The following EGF variants were observed in gnomAD, a reference collection of about 807,000 sequenced individuals.
EGF encodes the protein pro-epidermal growth factor.
In EGF, 95 loss-of-function variants were observed where a neutral mutation model predicts 143.8. The observed-to-expected ratio is 0.66, with a 90% CI of 0.56 to 0.78. EGF has a LOEUF of 0.78. Among genes scored for constraint, EGF ranks in the 30% least tolerant of loss-of-function variants. EGF has a pLI of 0.00. For synonymous variants in EGF, 510 were observed against 510.5 expected (o/e 1.00, Z 0.01); for missense variants, 1,320 against 1,470.9 (o/e 0.90, Z 1.68).
chr4:109,940,109 C>T (rs1741651874), intron 1 of EGF, among the ~76,000 whole-genome samples: 1 of 152,080 alleles, frequency 6.6e-6, no homozygotes, highest in Non-Finnish European at 1.5e-5. Flanking sequence ...GGATCAGGTT[C>T]CCAAGTAGAT....
chr4:109,978,466 C>CA (rs1219590437), intron 13 of EGF, among the ~76,000 whole-genome samples: 2 of 151,990 alleles, frequency 1.3e-5, no homozygotes, highest in African/African-American at 4.8e-5. Context: ...GACATTATGC[C>CA]AAGTGAAATA....
rs1754052901 is a variant in EGF at position 110,012,198 on chromosome 4, G to A, written c.*743G>A. On this transcript the variant is annotated 3_prime_UTR_variant, in exon 24 of 24. Transcript: ENST00000265171. ...TTACAAGATTGTAAGTAAATTGCCTGATTTGTTTTCATTATAGACAACGAT... is the reference window on the plus strand; with the variant it reads ...TTACAAGATTGTAAGTAAATTGCCTAATTTGTTTTCATTATAGACAACGAT... The A allele has an allele frequency of 6.6e-6, 1 of 152,058 alleles. No homozygotes were observed. The highest frequency in any genetic ancestry group is 1.5e-5 in the Non-Finnish European group (1 of 68,018). The allele number at this position is 152,058 out of a possible 1,614,324, so 9.4% of individuals were successfully genotyped here.
rs570494127 is a variant in EGF at position 109,953,966 on chromosome 4, G to T, written c.941-5346G>T. 1.6e-4 allele frequency among the ~76,000 whole-genome samples: 25 copies of T among 152,312 alleles called. No homozygotes were observed. In the South Asian group the frequency reaches 1.7e-3, roughly 10 times the overall value. On this transcript the variant is annotated intron_variant, in intron 5 of 23. Coordinates refer to ENST00000265171, the MANE Select transcript of EGF (RefSeq NM_001963.6). ...TGTATTTTCCATCTTCCTGCTATGG[G>T]CAACCAAACTGCCAGAAATGAGGAT...
At chr4:109,978,539 A>G (rs1748853907) in intron 13 of EGF, among the ~76,000 whole-genome samples, 1 of 152,206 alleles carries the variant, frequency 6.6e-6, no homozygotes, top group African/African-American at 2.4e-5. Context: ...AGAGTAGCCA[A>G]ATTCATAGGA....
chr4:109,973,599 C>A (rs1748013044), intron 11 of EGF, among the ~76,000 whole-genome samples: 1 of 151,452 alleles, frequency 6.6e-6, no homozygotes, highest in Admixed American at 6.6e-5. Flanking sequence ...CTCTTACTTC[C>A]CCCGACCTCT....
At chr4:109,988,046 C>T (rs1750400827) in intron 17 of EGF, among the ~76,000 whole-genome samples, 186 bp downstream of exon 17, 1 of 151,808 alleles carries the variant, frequency 6.6e-6, no homozygotes, top group African/African-American at 2.4e-5. Flanking sequence ...AATATATTTA[C>T]ACAAATACAT....
Position 109,941,207 on chromosome 4 carries a change from C to T in EGF, c.327+62C>T, listed in dbSNP as rs11568886. ...TGTACAGGCTGACAAATATAATATA[C>T]TGAATTCTTAATGTATAGATAAATG... On this transcript the variant is annotated intron_variant, in intron 2 of 23. Transcript: ENST00000265171. 29,537 of 1,452,426 alleles carry T rather than the reference C, an allele frequency of 0.02. 2,376 individuals carry two copies. In the East Asian group the frequency reaches 0.23, roughly 11 times the overall value. 90.0% of individuals were successfully genotyped at this position (1,452,426 alleles called of 1,614,324 possible).
chr4:109,940,801 A>G, intron 1 of EGF, 145 bp from the exon 2 acceptor site: 1 of 803,680 alleles, frequency 1.2e-6, no homozygotes, highest in Non-Finnish European at 2.0e-6. Context: ...GGAACTCTTT[A>G]TTGTCTATAA....
chr4:109,976,456 CA>C (rs2126105082), intron 13 of EGF, among the ~76,000 whole-genome samples: 1 of 152,186 alleles, frequency 6.6e-6, no homozygotes, highest in South Asian at 2.1e-4. Flanking sequence ...TGAGAAGTCC[CA>C]AAATCAGAAT....
At chr4:109,978,110 T>C (rs1028465639) in intron 13 of EGF, among the ~76,000 whole-genome samples, 22 of 152,196 alleles carry the variant, frequency 1.4e-4, no homozygotes, top group Non-Finnish European at 1.9e-4. Context: ...GGTATATATG[T>C]GGTGGCTTCC....
chr4:109,928,232 A>G (rs758829528), intron 1 of EGF, among the ~76,000 whole-genome samples: 6 of 152,212 alleles, frequency 3.9e-5, no homozygotes, highest in Admixed American at 6.5e-5. Flanking sequence ...CCAATTAGAC[A>G]TCTATAAGCA....
rs770423758 is a variant in EGF at position 109,999,697 on chromosome 4, C to G, written c.3024C>G (p.Ile1008Met). The G allele has an allele frequency of 2.5e-6, 4 of 1,614,082 alleles. No homozygotes were observed. In the South Asian group the frequency reaches 4.4e-5, roughly 18 times the overall value. ...GTCACAGCTGTGTTGTTGGCTACAT[C>G]GGGGAGCGATGTCAGTACCGAGACC... ...KYACNCVVGY[I>M]GERCQYRDLK... The change falls in exon 21 of 24, where the codon ATC becomes ATG. Residue 1008 changes from isoleucine (I) to methionine (M), a missense_variant. Ile to Met is a conservative substitution (Grantham distance 10, BLOSUM62 1). This residue lies in a region of EGF where 1,186 missense variants were observed against 1,313.7 expected (regional missense o/e 0.90). Transcript: ENST00000265171.
intron 12 of EGF, 86 bp from the exon 13 acceptor site, chr4:109,975,926 A>C: frequency 1.4e-6 from 2 of 1,403,716 alleles, no homozygotes; most frequent in African/African-American, 1.4e-5. Flanking sequence ...ATCATGAGGT[A>C]ATTTACATTG....
intron 5 of EGF, among the ~76,000 whole-genome samples, chr4:109,957,953 CTAT>C (rs1226726716): frequency 6.6e-6 from 1 of 152,138 alleles, no homozygotes; most frequent in Non-Finnish European, 1.5e-5. Flanking sequence ...TACAATGGTG[CTAT>C]TGTTTTTAAA....
intron 11 of EGF, among the ~76,000 whole-genome samples, chr4:109,971,468 A>C: frequency 6.6e-6 from 1 of 152,310 alleles, no homozygotes; most frequent in South Asian, 2.1e-4. Flanking sequence ...AAGGATGCCA[A>C]GTCTTCTCAT....
At chr4:109,990,015 A>C (rs992511419) in intron 18 of EGF, among the ~76,000 whole-genome samples, 1 of 152,026 alleles carries the variant, frequency 6.6e-6, no homozygotes, top group African/African-American at 2.4e-5. Flanking sequence ...TTTTATCCTT[A>C]TTATTATTAA....
At chr4:109,958,821 G>A (rs1745203252) in intron 5 of EGF, among the ~76,000 whole-genome samples, 1 of 150,910 alleles carries the variant, frequency 6.6e-6, no homozygotes, top group Non-Finnish European at 1.5e-5. Context: ...AGGAGGCCAA[G>A]GCAGGAGAAT....
Position 109,993,323 on chromosome 4 carries a change from C to T in EGF, c.2811C>T (p.Thr937=). The change falls in exon 19 of 24, where the codon ACC becomes ACT. Residue 937 remains threonine (T), a synonymous_variant. Coordinates refer to ENST00000265171, the MANE Select transcript of EGF (RefSeq NM_001963.6). ...GCACAAATACAGAGGGAGGCTATAC[C>T]TGCATGTGTGCTGGACGCCTGTCTG... ...ASCTNTEGGY[T]CMCAGRLSEP... 1.2e-6 allele frequency: 2 copies of T among 1,613,858 alleles called. No individual in the cohort carries two copies. Among genetic ancestry groups the T allele is most frequent in the Non-Finnish European group, 1.7e-6 (2 of 1,179,928 alleles).
Position 110,011,545 on chromosome 4 carries a change from T to C in EGF, c.*90T>C. Reference sequence around the variant, plus strand: ...AAAAGTAGAGCAAAACTATAGGTTTTGGTTCCACAATCTCTACGACTAATC... The same window carrying C: ...AAAAGTAGAGCAAAACTATAGGTTTCGGTTCCACAATCTCTACGACTAATC... On this transcript the variant is annotated 3_prime_UTR_variant, in exon 24 of 24. Coordinates refer to ENST00000265171, the MANE Select transcript of EGF (RefSeq NM_001963.6). 6.3e-7 allele frequency: 1 copy of C among 1,599,260 alleles called. No individual in the cohort carries two copies. The highest frequency in any genetic ancestry group is 8.5e-7 in the Non-Finnish European group (1 of 1,171,966).
Sources: allele counts gnomAD v4.1 joint callset (sites outside exome capture counted in the v4.1 genomes callset), GRCh38; gene constraint gnomAD v4.1.1; regional missense constraint gnomAD v4.1.1; transcripts MANE v1.5; gene names NCBI Gene and HGNC (gene_info 2026-07-23, HGNC 2026-07-21).